Variants in WWOX observed in about 807,000 individuals in gnomAD.
The protein encoded by WWOX is WW domain containing oxidoreductase, also known as WW domain-containing oxidoreductase.
In WWOX, 69 loss-of-function variants were observed where a neutral mutation model predicts 46.2. That is an observed-to-expected ratio of 1.49 (90% confidence interval 1.23 to 1.82). WWOX has a LOEUF of 1.82. Among genes scored for constraint, WWOX ranks in the 40% most tolerant of loss-of-function variants. WWOX has a pLI of 0.00. For missense variants in WWOX, 919 were observed against 542.6 expected (o/e 1.69, Z -6.89); for synonymous variants, 359 against 202.6 (o/e 1.77, Z -6.56).
chr16:78,165,853 T>C (rs2151737079), intron 5 of WWOX, among the ~76,000 whole-genome samples: 1 of 152,350 alleles, frequency 6.6e-6, no homozygotes, highest in South Asian at 2.1e-4. Flanking sequence ...TTGAGCTCAC[T>C]GAGCTTATTA....
intron 4 of WWOX, among the ~76,000 whole-genome samples, chr16:78,139,124 A>C (rs774223160): frequency 1.9e-4 from 29 of 152,312 alleles, no homozygotes; most frequent in Non-Finnish European, 3.2e-4. Flanking sequence ...CCTAGGAGCA[A>C]CCCTTAAAGG....
At chr16:78,227,455 A>G (rs1312583998) in intron 5 of WWOX, among the ~76,000 whole-genome samples, 1 of 152,190 alleles carries the variant, frequency 6.6e-6, no homozygotes, top group Non-Finnish European at 1.5e-5. Context: ...CATTCTTCCA[A>G]TCAATGCTGC....
intron 8 of WWOX, among the ~76,000 whole-genome samples, chr16:78,809,986 C>G (rs531645463): frequency 6.6e-5 from 10 of 152,244 alleles, no homozygotes; most frequent in South Asian, 4.2e-4. Context: ...AATCTCAGCA[C>G]CAATAGAAAC....
chr16:78,496,708 A>G (rs1019975924), intron 8 of WWOX, among the ~76,000 whole-genome samples: 7 of 152,164 alleles, frequency 4.6e-5, no homozygotes, highest in African/African-American at 1.7e-4. Flanking sequence ...ATCACTGACA[A>G]CTCACTATGT....
intron 8 of WWOX, among the ~76,000 whole-genome samples, chr16:78,635,652 C>G: frequency 6.6e-6 from 1 of 152,208 alleles, no homozygotes; most frequent in East Asian, 1.9e-4. Context: ...AATGCTTGAC[C>G]AGCATTCACA....
At chr16:78,203,666 G>A (rs949660794) in intron 5 of WWOX, among the ~76,000 whole-genome samples, 4 of 152,182 alleles carry the variant, frequency 2.6e-5, no homozygotes, top group Admixed American at 6.5e-5. Context: ...GAGGAGAACT[G>A]GGGAGGAATT....
chr16:78,517,667 G>C (rs1202222824), intron 8 of WWOX, among the ~76,000 whole-genome samples: 1 of 152,066 alleles, frequency 6.6e-6, no homozygotes, highest in African/African-American at 2.4e-5. Context: ...ATGTCTGGTG[G>C]AAGCGCGAGG....
chr16:78,772,103 T>C (rs2050078583), intron 8 of WWOX, among the ~76,000 whole-genome samples: 1 of 152,198 alleles, frequency 6.6e-6, no homozygotes, highest in African/African-American at 2.4e-5. Context: ...GGTAACTTCA[T>C]GTCACAAAGG....
At chr16:78,277,623 G>A (rs190353935) in intron 5 of WWOX, among the ~76,000 whole-genome samples, 261 of 152,290 alleles carry the variant, frequency 1.7e-3, no homozygotes, top group Admixed American at 2.8e-3. Flanking sequence ...AGCATATGTT[G>A]CATTTAGTTC....
chr16:78,316,972 G>C (rs1160641750), intron 5 of WWOX, among the ~76,000 whole-genome samples: 1 of 152,156 alleles, frequency 6.6e-6, no homozygotes, highest in African/African-American at 2.4e-5. Flanking sequence ...TGGACATTTG[G>C]CTGAATGCTG....
intron 8 of WWOX, among the ~76,000 whole-genome samples, chr16:78,530,564 G>A (rs1261409535): frequency 3.3e-5 from 5 of 152,130 alleles, no homozygotes; most frequent in Non-Finnish European, 5.9e-5. Context: ...GGAGCCTGGG[G>A]TTTTTATGGG....
intron 8 of WWOX, among the ~76,000 whole-genome samples, chr16:78,734,946 A>G (rs2049051668): frequency 1.5e-5 from 2 of 133,796 alleles, no homozygotes; most frequent in Admixed American, 1.8e-4. Flanking sequence ...GCTCACTACA[A>G]CCTCAGCCTC....
intron 8 of WWOX, among the ~76,000 whole-genome samples, chr16:78,627,409 A>T (rs1277806256): frequency 6.6e-6 from 1 of 152,192 alleles, no homozygotes. Context: ...TGTCCTCTCT[A>T]TACCATAGTT....
intron 5 of WWOX, among the ~76,000 whole-genome samples, chr16:78,229,081 A>G (rs1188871460): frequency 6.6e-6 from 1 of 152,154 alleles, no homozygotes; most frequent in African/African-American, 2.4e-5. Context: ...TCCCGTTTGT[A>G]TAACCCTCTC....
At chr16:78,949,301 A>C (rs562778467) in intron 8 of WWOX, among the ~76,000 whole-genome samples, 1 of 152,218 alleles carries the variant, frequency 6.6e-6, no homozygotes, top group East Asian at 1.9e-4. Flanking sequence ...TGCCGTCGTG[A>C]CTAGATACGT....
chr16:79,036,628 CA>C (rs1436537327), intron 8 of WWOX, among the ~76,000 whole-genome samples: 1 of 152,150 alleles, frequency 6.6e-6, no homozygotes, highest in East Asian at 1.9e-4. Flanking sequence ...CAACTCCATT[CA>C]ATTCACAGTG....
At chr16:78,583,223 T>A (rs1285062308) in intron 8 of WWOX, among the ~76,000 whole-genome samples, 1 of 152,164 alleles carries the variant, frequency 6.6e-6, no homozygotes, top group Non-Finnish European at 1.5e-5. Context: ...TATCCCATGG[T>A]TCAACCAAAG....
At chr16:78,616,064 G>A (rs993748229) in intron 8 of WWOX, among the ~76,000 whole-genome samples, 2 of 150,680 alleles carry the variant, frequency 1.3e-5, no homozygotes, top group Non-Finnish European at 2.9e-5. Flanking sequence ...TAATCTTTAA[G>A]AAGAAGATAA....
At chr16:79,069,874 T>G (rs562623930) in intron 8 of WWOX, among the ~76,000 whole-genome samples, 1 of 152,298 alleles carries the variant, frequency 6.6e-6, no homozygotes, top group South Asian at 2.1e-4. Flanking sequence ...CCAAATTGAC[T>G]CATTGAAAAA....
Sources: gnomAD v4.1 joint callset for allele counts (sites outside exome capture counted in the v4.1 genomes callset) on GRCh38, gnomAD v4.1.1 for gene constraint, MANE v1.5 for transcripts, NCBI Gene and HGNC (gene_info 2026-07-23, HGNC 2026-07-21) for gene names.